KIF16B: variants seen among roughly 807,000 people sequenced by gnomAD.
The protein encoded by KIF16B is kinesin family member 16B.
Under a neutral mutation model 156.3 loss-of-function variants are expected in KIF16B, and 98 were observed. The ratio of observed to expected loss-of-function variants is 0.63; its 90% CI spans 0.53 to 0.74. The LOEUF is 0.74. Among genes scored for constraint, KIF16B ranks in the 30% least tolerant of loss-of-function variants. The pLI, the probability that KIF16B is intolerant of heterozygous loss-of-function variation, is 0.00. For missense variants in KIF16B, 1,421 were observed against 1,606.5 expected, an observed-to-expected ratio of 0.88 and a Z score of 1.97; for synonymous variants, 564 against 583.7, an observed-to-expected ratio of 0.97 and a Z score of 0.49.
At chr20:16,277,545 G>A (rs533583142) in intron 25 of KIF16B, among the ~76,000 whole-genome samples, 10 of 151,216 alleles carry the variant, frequency 6.6e-5, no homozygotes, top group African/African-American at 2.4e-4. Context: ...TATTGCCTGT[G>A]CTCACAATGT....
At chr20:16,532,068 CA>C (rs34843252) in intron 1 of KIF16B, among the ~76,000 whole-genome samples, 15,326 of 99,208 alleles carry the variant, frequency 0.15, 682 homozygotes, top group South Asian at 0.21. Context: ...AACTCCGTCT[CA>C]AAAAAAAAAA....
intron 2 of KIF16B, among the ~76,000 whole-genome samples, chr20:16,527,686 C>G (rs1233517352): frequency 6.6e-6 from 1 of 152,138 alleles, no homozygotes; most frequent in Non-Finnish European, 1.5e-5. Flanking sequence ...AAGTGATCCT[C>G]CCATCTCAGC....
At chr20:16,335,526 G>A (rs1338053879) in intron 24 of KIF16B, among the ~76,000 whole-genome samples, 1 of 152,046 alleles carries the variant, frequency 6.6e-6, no homozygotes, top group Non-Finnish European at 1.5e-5. Context: ...CATGAATGTA[G>A]TCTTTCTTTT....
intron 12 of KIF16B, among the ~76,000 whole-genome samples, chr20:16,457,598 T>G (rs1252819641): frequency 1.3e-5 from 2 of 152,156 alleles, no homozygotes; most frequent in Non-Finnish European, 2.9e-5. Flanking sequence ...TTGTAAGCCA[T>G]CATCAACAGC....
At chr20:16,312,192 T>C (rs921592028) in intron 25 of KIF16B, 143 bp downstream of exon 25, 4 of 596,260 alleles carry the variant, frequency 6.7e-6, no homozygotes, top group Non-Finnish European at 8.9e-6. Context: ...ATCTTCATAA[T>C]CTACTGCTGC....
chr20:16,277,680 T>C (rs1333990328), intron 25 of KIF16B, among the ~76,000 whole-genome samples: 1 of 152,042 alleles, frequency 6.6e-6, no homozygotes, highest in Admixed American at 6.6e-5. Flanking sequence ...GGTGTCAAGC[T>C]GCATCTCCCC....
At chr20:16,279,223 T>C (rs1192657782) in intron 25 of KIF16B, among the ~76,000 whole-genome samples, 1 of 152,152 alleles carries the variant, frequency 6.6e-6, no homozygotes, top group East Asian at 1.9e-4. Context: ...AGATAAGCTT[T>C]TCCCATGATA....
chr20:16,313,634 A>G (rs2063654352), intron 24 of KIF16B, among the ~76,000 whole-genome samples: 1 of 152,164 alleles, frequency 6.6e-6, no homozygotes, highest in African/African-American at 2.4e-5. Context: ...CTATGACAAT[A>G]GCATCGCTTG....
chr20:16,430,121 C>T (rs763150565), intron 12 of KIF16B, 139 bp from the exon 13 acceptor site: 17 of 884,214 alleles, frequency 1.9e-5, no homozygotes, highest in South Asian at 4.0e-5. Flanking sequence ...CCTTAAACTT[C>T]GTGTTGAAAT....
intron 15 of KIF16B, among the ~76,000 whole-genome samples, chr20:16,411,400 T>C (rs908769816): frequency 9.2e-5 from 14 of 152,138 alleles, no homozygotes; most frequent in Admixed American, 8.5e-4. Flanking sequence ...CACTATACTC[T>C]TCTGTAAGAC....
chr20:16,479,095 T>C (rs1231038467), intron 12 of KIF16B, among the ~76,000 whole-genome samples: 2 of 152,190 alleles, frequency 1.3e-5, no homozygotes, highest in African/African-American at 4.8e-5. Context: ...TATACAACTA[T>C]GTACAAAGAC....
At chr20:16,570,132 C>G (rs6131845) in intron 1 of KIF16B, among the ~76,000 whole-genome samples, 5 of 152,036 alleles carry the variant, frequency 3.3e-5, no homozygotes, top group Non-Finnish European at 7.3e-5. Flanking sequence ...AAATGATTTA[C>G]GCTATAACTT....
intron 17 of KIF16B, among the ~76,000 whole-genome samples, chr20:16,382,353 C>T (rs566019487): frequency 1.8e-4 from 28 of 152,324 alleles, no homozygotes; most frequent in African/African-American, 6.5e-4. Context: ...ACACTTCTCA[C>T]ACTTCTCTAC....
At chr20:16,567,222 C>T (rs1188691092) in intron 1 of KIF16B, among the ~76,000 whole-genome samples, 2 of 152,152 alleles carry the variant, frequency 1.3e-5, no homozygotes, top group Non-Finnish European at 2.9e-5. Context: ...TCTCTGAGCC[C>T]TTGTTCCTCA....
intron 15 of KIF16B, among the ~76,000 whole-genome samples, chr20:16,426,775 A>T (rs2066364037): frequency 6.6e-6 from 1 of 152,182 alleles, no homozygotes; most frequent in African/African-American, 2.4e-5. Flanking sequence ...AATAATAGAA[A>T]TAAAATTATT....
chr20:16,389,684 T>G (rs2065316846), intron 17 of KIF16B, among the ~76,000 whole-genome samples: 1 of 152,222 alleles, frequency 6.6e-6, no homozygotes, highest in African/African-American at 2.4e-5. Flanking sequence ...AAGGGGTTTG[T>G]GCTTGTCCTA....
intron 24 of KIF16B, among the ~76,000 whole-genome samples, chr20:16,321,050 A>G (rs2063765065): frequency 6.6e-6 from 1 of 152,112 alleles, no homozygotes; most frequent in Non-Finnish European, 1.5e-5. Flanking sequence ...ATCTAGAATA[A>G]ACACAATGTC....
intron 22 of KIF16B, chr20:16,367,392 C>T: frequency 6.2e-7 from 1 of 1,612,860 alleles, no homozygotes; most frequent in Non-Finnish European, 8.5e-7. Context: ...CAACAACACA[C>T]CTGAATTCAC....
At chr20:16,326,768 T>C (rs2063858008) in intron 24 of KIF16B, among the ~76,000 whole-genome samples, 2 of 151,864 alleles carry the variant, frequency 1.3e-5, no homozygotes, top group Admixed American at 1.3e-4. Context: ...AGTATGGAGA[T>C]TCCTTAAAGA....
Sources: allele counts gnomAD v4.1 joint callset (sites outside exome capture counted in the v4.1 genomes callset), GRCh38; gene constraint gnomAD v4.1.1; transcripts MANE v1.5; gene names NCBI Gene and HGNC (gene_info 2026-07-23, HGNC 2026-07-21).